Variants in GAS7 observed in about 807,000 individuals in gnomAD.
GAS7 encodes the protein growth arrest-specific protein 7.
In GAS7, 28 loss-of-function variants were observed where a neutral mutation model predicts 71.1. The ratio of observed to expected loss-of-function variants is 0.39; its 90% confidence interval spans 0.29 to 0.54. The LOEUF (loss-of-function observed/expected upper bound fraction) is 0.54, where lower values mean the gene tolerates loss of function less well. Among genes scored for constraint, GAS7 ranks in the 20% least tolerant of loss-of-function variants. GAS7 has a pLI of 0.62. For missense variants in GAS7, 436 were observed against 627.8 expected (o/e 0.69, Z 3.27); for synonymous variants, 258 against 245.8 (o/e 1.05, Z -0.46).
At chr17:10,098,979 T>C (rs575562008) in intron 1 of GAS7, among the ~76,000 whole-genome samples, 1 of 151,986 alleles carries the variant, frequency 6.6e-6, no homozygotes, top group African/African-American at 2.4e-5. Flanking sequence ...AAAAAAAGAA[T>C]GCAGATAACA....
At chr17:10,083,676 G>A (rs1044864119) in intron 1 of GAS7, among the ~76,000 whole-genome samples, 2 of 152,218 alleles carry the variant, frequency 1.3e-5, no homozygotes, top group African/African-American at 2.4e-5. Flanking sequence ...AAATACAGAG[G>A]GGACACAGGG....
chr17:9,949,973 T>C (rs2068942161), intron 5 of GAS7, among the ~76,000 whole-genome samples: 1 of 151,432 alleles, frequency 6.6e-6, no homozygotes, highest in African/African-American at 2.4e-5. Context: ...GTGATTCTCC[T>C]GCCTCAGCCT....
At chr17:10,056,396 G>A (rs572156226) in intron 1 of GAS7, among the ~76,000 whole-genome samples, 11 of 152,250 alleles carry the variant, frequency 7.2e-5, no homozygotes, top group Admixed American at 6.5e-4. Flanking sequence ...TCAGGAGGCC[G>A]AGGTGGGAGG....
chr17:10,135,563 T>TA (rs1228495682), intron 1 of GAS7, among the ~76,000 whole-genome samples: 1 of 152,238 alleles, frequency 6.6e-6, no homozygotes, highest in African/African-American at 2.4e-5. Context: ...TATATCTGTT[T>TA]AAGTTCCTGA....
intron 2 of GAS7, among the ~76,000 whole-genome samples, chr17:10,017,741 G>T (rs2072100146): frequency 6.6e-6 from 1 of 152,152 alleles, no homozygotes; most frequent in Admixed American, 6.5e-5. Flanking sequence ...TATCATCCAG[G>T]GCTGCTTTCA....
At chr17:10,174,014 C>A (rs1400556326) in intron 1 of GAS7, among the ~76,000 whole-genome samples, 1 of 152,196 alleles carries the variant, frequency 6.6e-6, no homozygotes, top group Non-Finnish European at 1.5e-5. Context: ...GTCCTTTATA[C>A]TGGCTGAACT....
Position 9,954,661 on chromosome 17 carries a change from T to C in GAS7, c.525+4541A>G, listed in dbSNP as rs192655207. 1.2e-4 allele frequency among the ~76,000 whole-genome samples: 19 copies of C among 152,250 alleles called. No individual in the cohort carries two copies. In the East Asian group the frequency reaches 3.1e-3, roughly 25 times the overall value. On this transcript the variant is annotated intron_variant, in intron 5 of 13. Transcript: ENST00000432992. ...AGCAACGTGGAGACATTTTTGGTTGTCACAGCTGTGTGGGGTCGAGGGTGG... is the reference window on the plus strand; with the variant it reads ...AGCAACGTGGAGACATTTTTGGTTGCCACAGCTGTGTGGGGTCGAGGGTGG...
intron 1 of GAS7, among the ~76,000 whole-genome samples, chr17:10,054,043 G>C (rs188290153): frequency 1.3e-5 from 2 of 152,282 alleles, no homozygotes; most frequent in East Asian, 3.9e-4. Flanking sequence ...ACTCCACTTT[G>C]AGAATCACTA....
chr17:10,135,766 G>A (rs575773747), intron 1 of GAS7, among the ~76,000 whole-genome samples: 2 of 152,250 alleles, frequency 1.3e-5, no homozygotes, highest in South Asian at 2.1e-4. Flanking sequence ...CTGGGGGGAG[G>A]GGGGTACCCA....
At chr17:9,992,876 T>C (rs1248661151) in intron 2 of GAS7, among the ~76,000 whole-genome samples, 4 of 151,736 alleles carry the variant, frequency 2.6e-5, no homozygotes, top group South Asian at 4.2e-4. Context: ...GTCCTTGCGA[T>C]AGTTTACTGA....
chr17:10,063,867 G>A (rs1193904025), intron 1 of GAS7, among the ~76,000 whole-genome samples: 2 of 152,152 alleles, frequency 1.3e-5, no homozygotes, highest in African/African-American at 2.4e-5. Context: ...GTGGTGAGGG[G>A]GGCAGAGGAA....
At chr17:10,101,988 C>T (rs930426735) in intron 1 of GAS7, among the ~76,000 whole-genome samples, 1 of 152,046 alleles carries the variant, frequency 6.6e-6, no homozygotes, top group Non-Finnish European at 1.5e-5. Flanking sequence ...TAAGCAACTC[C>T]CTCCCCAAAT....
intron 1 of GAS7, among the ~76,000 whole-genome samples, chr17:10,119,362 T>C (rs930557246): frequency 2.0e-5 from 3 of 152,198 alleles, no homozygotes; most frequent in African/African-American, 7.2e-5. Context: ...GTGCTCACCG[T>C]GGGCCTGGCC....
chr17:10,193,460 C>T (rs914822419), intron 1 of GAS7, among the ~76,000 whole-genome samples: 4 of 152,124 alleles, frequency 2.6e-5, no homozygotes, highest in African/African-American at 4.8e-5. Flanking sequence ...CGATGAACCA[C>T]GCCTCCCTCA....
At chr17:10,009,046 C>A (rs535998371) in intron 2 of GAS7, among the ~76,000 whole-genome samples, 2 of 152,006 alleles carry the variant, frequency 1.3e-5, no homozygotes, top group East Asian at 3.9e-4. Flanking sequence ...TGGGGCCGGG[C>A]GCGGTGGCTC....
chr17:10,005,144 CGCA>C (rs2071441000), intron 2 of GAS7, among the ~76,000 whole-genome samples: 1 of 38,204 alleles, frequency 2.6e-5, no homozygotes, highest in Non-Finnish European at 6.3e-5. Context: ...TGTGCGCGCA[CGCA>C]TGCATGCATG....
chr17:9,951,772 A>G (rs1221512901), intron 5 of GAS7, among the ~76,000 whole-genome samples: 1 of 150,554 alleles, frequency 6.6e-6, no homozygotes, highest in Non-Finnish European at 1.5e-5. Context: ...AAAAAAAAAA[A>G]AAAAAAAAAA....
chr17:10,079,112 C>A (rs2073428286), intron 1 of GAS7, among the ~76,000 whole-genome samples: 2 of 152,196 alleles, frequency 1.3e-5, no homozygotes, highest in Non-Finnish European at 2.9e-5. Flanking sequence ...GGACTCCTGG[C>A]TGGGTGACAC....
rs1171817209 is a variant in GAS7, at chr17:9,913,534, C to T, written c.*3694G>A. 4.3e-6 allele frequency: 1 copy of T among 231,588 alleles called. No individual in the cohort carries two copies. Among genetic ancestry groups the T allele is most frequent in the African/African-American group, 2.2e-5 (1 of 45,156 alleles). The allele number at this position is 231,588 out of a possible 1,614,324, so 14.3% of individuals were successfully genotyped here. On this transcript the variant is annotated 3_prime_UTR_variant, in exon 14 of 14. Coordinates refer to ENST00000432992, the MANE Select transcript of GAS7 (RefSeq NM_201433.2). ...TTTTCACAAAGGGTAGGGAAAGAAA[C>T]CCCTGGTTGGTGAATTCGTTGGTAC...
Sources: gnomAD v4.1 joint callset for allele counts (sites outside exome capture counted in the v4.1 genomes callset) on GRCh38, gnomAD v4.1.1 for gene constraint, MANE v1.5 for transcripts, NCBI Gene and HGNC (gene_info 2026-07-23, HGNC 2026-07-21) for gene names.